MACROD2: variants seen among roughly 807,000 people sequenced by gnomAD.
The protein encoded by MACROD2 is ADP-ribose glycohydrolase MACROD2.
A neutral mutation model predicts 70.4 loss-of-function variants in MACROD2; 36 were observed. The ratio of observed to expected loss-of-function variants is 0.51; its 90% confidence interval spans 0.39 to 0.68. The LOEUF (loss-of-function observed/expected upper bound fraction) is 0.68. Among genes scored for constraint, MACROD2 ranks in the 30% least tolerant of loss-of-function variants. The pLI, the probability that MACROD2 is intolerant of heterozygous loss-of-function variation, is 0.00. For synonymous variants in MACROD2, 172 were observed against 178.8 expected (o/e 0.96, Z 0.30); for missense variants, 496 against 538.4 (o/e 0.92, Z 0.78).
At chr20:15,237,472 A>G (rs963047605) in intron 6 of MACROD2, among the ~76,000 whole-genome samples, 3 of 152,122 alleles carry the variant, frequency 2.0e-5, no homozygotes, top group African/African-American at 7.2e-5. Context: ...AAATACTTTC[A>G]TTTTAAATCA....
intron 7 of MACROD2, among the ~76,000 whole-genome samples, chr20:15,454,338 C>T (rs560155134): frequency 4.0e-5 from 6 of 151,790 alleles, no homozygotes; most frequent in African/African-American, 1.4e-4. Flanking sequence ...TTACATCCTG[C>T]CCTAACACTG....
intron 3 of MACROD2, among the ~76,000 whole-genome samples, chr20:14,463,518 G>A (rs1254525485): frequency 6.6e-6 from 1 of 151,898 alleles, no homozygotes; most frequent in Non-Finnish European, 1.5e-5. Flanking sequence ...CTAATTGATT[G>A]CCCTTTATTT....
rs371700726 is a variant in MACROD2 at position 15,587,964 on chromosome 20, C to A, written c.645+88117C>A. ...CTTGTCAAAGCCCCACTAGGCAATG[C>A]CCCAGTAGGAACTCTGTGTGGGGGC... On this transcript the variant is annotated intron_variant, in intron 8 of 17. Transcript: ENST00000684519. Among the ~76,000 whole-genome samples, 114 of 152,270 alleles carry A rather than the reference C, an allele frequency of 7.5e-4. 1 individual carries two copies. The highest frequency in any genetic ancestry group is 2.3e-3 in the African/African-American group (95 of 41,558).
At chr20:14,752,355 T>C (rs937126274) in intron 5 of MACROD2, among the ~76,000 whole-genome samples, 2 of 151,846 alleles carry the variant, frequency 1.3e-5, no homozygotes, top group African/African-American at 4.9e-5. Context: ...CAGTGAATCC[T>C]ACTACATCCA....
At chr20:14,641,988 A>C (rs909856384) in intron 4 of MACROD2, among the ~76,000 whole-genome samples, 2 of 152,192 alleles carry the variant, frequency 1.3e-5, no homozygotes, top group Non-Finnish European at 2.9e-5. Flanking sequence ...TACCTATGAA[A>C]GTCCTAGATG....
chr20:14,346,112 A>C (rs1164445053), intron 3 of MACROD2, among the ~76,000 whole-genome samples: 1 of 150,162 alleles, frequency 6.7e-6, no homozygotes, highest in African/African-American at 2.4e-5. Flanking sequence ...AAAAAAAAAA[A>C]AAAAAAAAAA....
intron 3 of MACROD2, among the ~76,000 whole-genome samples, chr20:14,217,463 G>A (rs933168622): frequency 1.3e-5 from 2 of 152,030 alleles, no homozygotes; most frequent in African/African-American, 4.8e-5. Flanking sequence ...TTGGTCTGTA[G>A]TTTTCTTTTT....
intron 8 of MACROD2, among the ~76,000 whole-genome samples, chr20:15,800,932 G>A (rs1215915767): frequency 6.6e-6 from 1 of 151,512 alleles, no homozygotes; most frequent in African/African-American, 2.4e-5. Context: ...GTCCACTCAG[G>A]GTTGAATGGA....
intron 3 of MACROD2, among the ~76,000 whole-genome samples, chr20:14,319,767 T>C (rs1568552778): frequency 6.6e-6 from 1 of 152,178 alleles, no homozygotes; most frequent in Non-Finnish European, 1.5e-5. Context: ...TTTTCCCTCC[T>C]CTGCAATCCC....
chr20:15,499,675 T>C, intron 7 of MACROD2, 99 bp from the exon 8 acceptor site: 1 of 1,030,304 alleles, frequency 9.7e-7, no homozygotes, highest in Non-Finnish European at 1.5e-6. Context: ...TTGAACTGAA[T>C]GTTGTTTAAA....
intron 7 of MACROD2, among the ~76,000 whole-genome samples, chr20:15,499,490 T>C (rs1479436676): frequency 2.0e-5 from 3 of 152,202 alleles, no homozygotes; most frequent in East Asian, 1.9e-4. Context: ...CTATTATGCA[T>C]ATGTAAATAT....
At chr20:14,048,402 G>A (rs1239823287) in intron 2 of MACROD2, among the ~76,000 whole-genome samples, 1 of 151,916 alleles carries the variant, frequency 6.6e-6, no homozygotes, top group East Asian at 1.9e-4. Context: ...TTTTTTGGGA[G>A]GCCTGAAAGT....
chr20:15,537,995 G>A (rs2047899873), intron 8 of MACROD2, among the ~76,000 whole-genome samples: 2 of 152,120 alleles, frequency 1.3e-5, no homozygotes, highest in South Asian at 4.1e-4. Context: ...CATATTGTGG[G>A]CAATAATAGC....
At chr20:15,909,281 T>A (rs1483162464) in intron 10 of MACROD2, among the ~76,000 whole-genome samples, 1 of 152,158 alleles carries the variant, frequency 6.6e-6, no homozygotes. Flanking sequence ...CCCATAGTGA[T>A]TATGTCAAGA....
intron 3 of MACROD2, among the ~76,000 whole-genome samples, chr20:14,446,744 C>A (rs2084187112): frequency 6.6e-6 from 1 of 152,052 alleles, no homozygotes; most frequent in Admixed American, 6.6e-5. Context: ...ACAGTTCCAA[C>A]TCTCCTAATT....
intron 3 of MACROD2, among the ~76,000 whole-genome samples, chr20:14,431,188 T>C (rs1251136666): frequency 6.6e-6 from 1 of 152,154 alleles, no homozygotes; most frequent in Non-Finnish European, 1.5e-5. Flanking sequence ...ATAAATTTAA[T>C]AATAGCAATT....
chr20:15,159,253 A>C (rs988536925), intron 5 of MACROD2, among the ~76,000 whole-genome samples: 4 of 152,142 alleles, frequency 2.6e-5, no homozygotes, highest in Non-Finnish European at 5.9e-5. Context: ...GTATAACGAA[A>C]GTATGACCTT....
chr20:15,392,227 A>G (rs1960342590), intron 6 of MACROD2, among the ~76,000 whole-genome samples: 1 of 152,180 alleles, frequency 6.6e-6, no homozygotes, highest in South Asian at 2.1e-4. Context: ...CATAATATGA[A>G]AAAAGAGATC....
chr20:15,024,657 C>T (rs139182533), intron 5 of MACROD2, among the ~76,000 whole-genome samples: 3 of 152,002 alleles, frequency 2.0e-5, no homozygotes, highest in Admixed American at 2.0e-4. Flanking sequence ...ACATGTTTTT[C>T]TCTAAACAAA....
Sources: gnomAD v4.1 joint callset for allele counts (sites outside exome capture counted in the v4.1 genomes callset) on GRCh38, gnomAD v4.1.1 for gene constraint, MANE v1.5 for transcripts, NCBI Gene and HGNC (gene_info 2026-07-23, HGNC 2026-07-21) for gene names.